The following RORA variants were observed in gnomAD, a reference collection of about 807,000 sequenced individuals.
RORA encodes the protein RAR related orphan receptor A, also known as nuclear receptor ROR-alpha.
A neutral mutation model predicts 69.5 loss-of-function variants in RORA; 7 were observed. The observed-to-expected ratio is 0.10, with a 90% confidence interval of 0.06 to 0.19. The LOEUF is 0.19. Ranked by LOEUF, RORA falls within the 10% of genes least tolerant of loss-of-function variation. The pLI, the probability that RORA is intolerant of heterozygous loss-of-function variation, is 1.00. For missense variants in RORA, 457 were observed against 663.0 expected, an observed-to-expected ratio of 0.69 and a Z score of 3.41; for synonymous variants, 261 against 240.8, an observed-to-expected ratio of 1.08 and a Z score of -0.78.
intron 1 of RORA, among the ~76,000 whole-genome samples, chr15:60,946,786 C>A (rs1307723717): frequency 6.6e-6 from 1 of 150,942 alleles, no homozygotes; most frequent in African/African-American, 2.4e-5. Context: ...AAGTGAGGAG[C>A]ACCTCTTCCC....
chr15:60,889,365 G>A (rs1329269558), intron 1 of RORA, among the ~76,000 whole-genome samples: 1 of 148,156 alleles, frequency 6.7e-6, no homozygotes, highest in Non-Finnish European at 1.5e-5. Flanking sequence ...GGGGGGGGAA[G>A]GAAATCCCCC....
intron 1 of RORA, among the ~76,000 whole-genome samples, chr15:61,124,078 A>C (rs782937): frequency 0.52 from 79,818 of 152,054 alleles, 21,628 homozygotes; most frequent in East Asian, 0.71. Flanking sequence ...CACCTAGCAC[A>C]ATGCCAGCTC....
At chr15:61,219,112 T>C (rs2080069538) in intron 1 of RORA, among the ~76,000 whole-genome samples, 3 of 152,240 alleles carry the variant, frequency 2.0e-5, no homozygotes, top group Admixed American at 2.0e-4. Flanking sequence ...TTTACTGACA[T>C]AGCCACAAGC....
intron 1 of RORA, among the ~76,000 whole-genome samples, chr15:60,707,998 T>C (rs2071087819): frequency 6.6e-6 from 1 of 151,572 alleles, no homozygotes. Flanking sequence ...TACCACCCAT[T>C]TGCAGGCCTT....
chr15:60,527,895 C>G, intron 3 of RORA, among the ~76,000 whole-genome samples: 1 of 152,100 alleles, frequency 6.6e-6, no homozygotes. Context: ...TCTGCCATTC[C>G]TTGTTCTCCT....
chr15:60,521,063 A>G (rs896291384), intron 3 of RORA, among the ~76,000 whole-genome samples: 1 of 152,146 alleles, frequency 6.6e-6, no homozygotes, highest in Non-Finnish European at 1.5e-5. Flanking sequence ...TATCAGGTAC[A>G]GCAGTTGACA....
chr15:60,513,338 C>T (rs556189796), intron 4 of RORA, among the ~76,000 whole-genome samples: 1 of 152,304 alleles, frequency 6.6e-6, no homozygotes, highest in South Asian at 2.1e-4. Flanking sequence ...TTTCAGAAGG[C>T]ATACTGAAGG....
chr15:60,915,583 A>G (rs1891849839), intron 1 of RORA, among the ~76,000 whole-genome samples: 1 of 152,250 alleles, frequency 6.6e-6, no homozygotes, highest in Non-Finnish European at 1.5e-5. Flanking sequence ...ACATATGCCT[A>G]CTGAGTACTT....
chr15:61,006,171 G>A (rs1349281662), intron 1 of RORA, among the ~76,000 whole-genome samples: 3 of 151,994 alleles, frequency 2.0e-5, no homozygotes, highest in Admixed American at 1.3e-4. Context: ...ATTTCACAGT[G>A]TTGGCCAGGA....
At chr15:60,596,078 G>T (rs914026515) in intron 2 of RORA, among the ~76,000 whole-genome samples, 6 of 152,182 alleles carry the variant, frequency 3.9e-5, no homozygotes, top group Non-Finnish European at 8.8e-5. Flanking sequence ...TTAAATAAAT[G>T]ATACTTGACT....
At chr15:60,691,556 G>T (rs186625201) in intron 1 of RORA, among the ~76,000 whole-genome samples, 2 of 152,158 alleles carry the variant, frequency 1.3e-5, no homozygotes, top group Non-Finnish European at 2.9e-5. Flanking sequence ...AAGACAAGAG[G>T]AGCATAGAGG....
chr15:61,190,483 A>G (rs1182785301), intron 1 of RORA, among the ~76,000 whole-genome samples: 3 of 152,236 alleles, frequency 2.0e-5, no homozygotes, highest in Non-Finnish European at 4.4e-5. Flanking sequence ...GACGCTGGGC[A>G]TGGTGGGTGG....
intron 1 of RORA, among the ~76,000 whole-genome samples, chr15:60,801,424 G>C (rs2140357962): frequency 6.7e-6 from 1 of 150,248 alleles, no homozygotes; most frequent in African/African-American, 2.4e-5. Flanking sequence ...TAGTGGCTTA[G>C]ATATTTCTGA....
chr15:61,092,401 T>A (rs2078721548), intron 1 of RORA, among the ~76,000 whole-genome samples: 1 of 152,264 alleles, frequency 6.6e-6, no homozygotes, highest in Non-Finnish European at 1.5e-5. Flanking sequence ...ATCTGCTCTG[T>A]TCTTTTTATA....
chr15:61,093,494 CT>C (rs993409107), intron 1 of RORA, among the ~76,000 whole-genome samples: 7 of 152,238 alleles, frequency 4.6e-5, no homozygotes, highest in African/African-American at 1.7e-4. Context: ...GGCTACAGAG[CT>C]GGTGACTTTC....
chr15:61,107,277 A>G (rs1226110368), intron 1 of RORA, among the ~76,000 whole-genome samples: 1 of 152,214 alleles, frequency 6.6e-6, no homozygotes, highest in Non-Finnish European at 1.5e-5. Context: ...TCTTAAATCC[A>G]AGTAAGACCA....
chr15:60,893,863 A>G (rs995589334), intron 1 of RORA, among the ~76,000 whole-genome samples: 2 of 152,218 alleles, frequency 1.3e-5, no homozygotes, highest in Admixed American at 1.3e-4. Context: ...ACTAAAAGTC[A>G]GACATGCTAA....
chr15:60,555,479 AC>A (rs1011447188), intron 2 of RORA, among the ~76,000 whole-genome samples: 4 of 152,304 alleles, frequency 2.6e-5, no homozygotes, highest in African/African-American at 7.2e-5. Flanking sequence ...TACTCGAGGA[AC>A]CCTATAATTA....
chr15:60,971,034 A>G (rs1893698051), intron 1 of RORA, among the ~76,000 whole-genome samples: 1 of 152,184 alleles, frequency 6.6e-6, no homozygotes, highest in Non-Finnish European at 1.5e-5. Flanking sequence ...GCATAAACAG[A>G]GAAGTACTTT....
Sources: gnomAD v4.1 joint callset for allele counts (sites outside exome capture counted in the v4.1 genomes callset) on GRCh38, gnomAD v4.1.1 for gene constraint, MANE v1.5 for transcripts, NCBI Gene and HGNC (gene_info 2026-07-23, HGNC 2026-07-21) for gene names.